CNTFR: variants seen among roughly 807,000 people sequenced by gnomAD.
CNTFR encodes ciliary neurotrophic factor receptor.
Under a neutral mutation model 40.4 loss-of-function variants are expected in CNTFR, and 12 were observed. The ratio of observed to expected loss-of-function variants is 0.30; its 90% CI spans 0.19 to 0.48. The LOEUF (loss-of-function observed/expected upper bound fraction) is 0.48, where lower values mean the gene tolerates loss of function less well. CNTFR is among the 20% of genes least tolerant of loss of function. The pLI, the probability that CNTFR is intolerant of heterozygous loss-of-function variation, is 0.99. For missense variants in CNTFR, 414 were observed against 506.8 expected (o/e 0.82, Z 1.76); for synonymous variants, 202 against 209.6 (o/e 0.96, Z 0.31).
chr9:34,551,567 TAGGAGC>T lies in CNTFR; in HGVS notation c.*498_*503del, dbSNP rs1040862064. 27 of 231,272 alleles carry T rather than the reference TAGGAGC, an allele frequency of 1.2e-4. No homozygotes were observed. Among genetic ancestry groups the T allele is most frequent in the Non-Finnish European group, 1.7e-4 (20 of 116,564 alleles). The allele number at this position is 231,272 out of a possible 1,614,324, so 14.3% of individuals were successfully genotyped here. A position where few individuals can be genotyped will look rare whatever the true frequency, so the allele number is the denominator to read the frequency against. Reference sequence around the variant, plus strand: ...TGACAGGGCATTAAATACTGTGGGATAGGAGCAGGGTCAGGGGAGGGGTATACAAAA... The same window carrying T: ...TGACAGGGCATTAAATACTGTGGGATAGGGTCAGGGGAGGGGTATACAAAA... On this transcript the variant is annotated 3_prime_UTR_variant, in exon 10 of 10. Coordinates refer to ENST00000378980, the MANE Select transcript of CNTFR (RefSeq NM_147164.3).
intron 4 of CNTFR, among the ~76,000 whole-genome samples, chr9:34,563,502 T>C (rs1256399947): frequency 6.6e-6 from 1 of 152,224 alleles, no homozygotes; most frequent in Middle Eastern, 3.2e-3. Context: ...CTGACTAACC[T>C]AACTTCCTTT....
At chr9:34,553,584 C>T (rs1346090200) in intron 7 of CNTFR, among the ~76,000 whole-genome samples, 1 of 152,220 alleles carries the variant, frequency 6.6e-6, no homozygotes, top group Non-Finnish European at 1.5e-5. Flanking sequence ...CTTAGGAAGG[C>T]CTCAGTGTGG....
At chr9:34,582,276 C>CAAAGAAAA (rs1827333671) in intron 1 of CNTFR, 1 of 126,538 alleles carries the variant, frequency 7.9e-6, no homozygotes, top group African/African-American at 3.1e-5. Context: ...AACCCTATGG[C>CAAAGAAAA]AAAAAAAAAA....
At chr9:34,555,196 G>A (rs1032303677) in intron 7 of CNTFR, among the ~76,000 whole-genome samples, 5 of 152,216 alleles carry the variant, frequency 3.3e-5, no homozygotes, top group Admixed American at 6.5e-5. Context: ...CATTAGGCGC[G>A]GGCAGCTGGC....
chr9:34,583,040 G>T (rs1827384581), intron 1 of CNTFR, among the ~76,000 whole-genome samples: 1 of 152,134 alleles, frequency 6.6e-6, no homozygotes. Flanking sequence ...AATTTCATCT[G>T]ATTAATAATA....
chr9:34,552,605 C>T lies in CNTFR; in HGVS notation c.949+69G>A, dbSNP rs754923989. ...GAGGCTGGAGGCAGCAGGGTAGAAC[C>T]AGGCCACAGGTTCTACCACAGGCCT... On this transcript the variant is annotated intron_variant, in intron 8 of 9. Transcript: ENST00000378980. This position sits in a 1 kb window ranked among gnomAD's most constrained non-coding sequence, Gnocchi z 5.1. 6.6e-6 allele frequency: 10 copies of T among 1,511,870 alleles called. No homozygotes were observed. Among genetic ancestry groups the T allele is most frequent in the East Asian group, 2.3e-5 (1 of 42,816 alleles). The allele number at this position is 1,511,870 out of a possible 1,614,324, so 93.7% of individuals were successfully genotyped here.
intron 3 of CNTFR, among the ~76,000 whole-genome samples, chr9:34,567,754 G>A (rs905503481): frequency 2.0e-5 from 3 of 152,166 alleles, no homozygotes; most frequent in African/African-American, 4.8e-5. Flanking sequence ...CACACGTGAG[G>A]AACAGTCCAC....
At position 34,551,547 on chromosome 9, in the gene CNTFR, G is replaced by C. The variant is rs1339262507; in HGVS notation, c.*524C>G. The C allele has an allele frequency of 9.3e-6, 2 of 214,092 alleles. No homozygotes were observed. The highest frequency in any genetic ancestry group is 1.9e-5 in the Non-Finnish European group (2 of 105,794). 13.3% of individuals were successfully genotyped at this position (214,092 alleles called of 1,614,324 possible). A position where few individuals can be genotyped will look rare whatever the true frequency, so the allele number is the denominator to read the frequency against. On this transcript the variant is annotated 3_prime_UTR_variant, in exon 10 of 10. Coordinates refer to ENST00000378980, the MANE Select transcript of CNTFR (RefSeq NM_147164.3). The stretch of plus-strand genomic sequence containing the variant: ...TGAGTCAGACTAGAAGGGACTGACA[G>C]GGCATTAAATACTGTGGGATAGGAG...
intron 2 of CNTFR, among the ~76,000 whole-genome samples, chr9:34,579,291 G>T (rs540518132): frequency 3.8e-4 from 58 of 152,122 alleles, no homozygotes; most frequent in African/African-American, 1.4e-3. Context: ...TCCGCCCGCC[G>T]CTCCCTCCTC....
At chr9:34,577,929 T>TGGGCGGGCTGGCGGGC (rs1827071107) in intron 2 of CNTFR, among the ~76,000 whole-genome samples, 1 of 109,520 alleles carries the variant, frequency 9.1e-6, no homozygotes, top group Non-Finnish European at 2.1e-5. Context: ...CGAGGCGGGC[T>TGGGCGGGCTGGCGGGC]GGGCGGGCTG....
intron 1 of CNTFR, among the ~76,000 whole-genome samples, chr9:34,588,678 G>A (rs1410542316): frequency 6.6e-6 from 1 of 152,144 alleles, no homozygotes. Flanking sequence ...AGTCCTGCCC[G>A]CCTGAAGCTA....
intron 2 of CNTFR, among the ~76,000 whole-genome samples, chr9:34,577,836 GAGAAA>G (rs200888251): frequency 0.14 from 21,252 of 152,042 alleles, 1,710 homozygotes; most frequent in East Asian, 0.3. Flanking sequence ...AGACAGAGAA[GAGAAA>G]AGAAGAGAGA....
intron 4 of CNTFR, among the ~76,000 whole-genome samples, chr9:34,558,990 G>A (rs550277915): frequency 1.7e-4 from 26 of 152,298 alleles, no homozygotes; most frequent in African/African-American, 6.0e-4. Context: ...GAGGACAGGC[G>A]GCTCAGGTTC....
chr9:34,578,516 C>A (rs997404520), intron 2 of CNTFR, among the ~76,000 whole-genome samples: 6 of 152,204 alleles, frequency 3.9e-5, no homozygotes, highest in Non-Finnish European at 7.4e-5. Context: ...CTGCTGGTCT[C>A]AGGGCTGACC....
At chr9:34,560,949 C>T (rs1019688922) in intron 4 of CNTFR, among the ~76,000 whole-genome samples, 18 of 152,352 alleles carry the variant, frequency 1.2e-4, no homozygotes, top group South Asian at 4.1e-4. Context: ...CTGGAGCCCC[C>T]GGCACGCATG....
chr9:34,576,281 G>GTCACAC (rs1341654112), intron 2 of CNTFR, among the ~76,000 whole-genome samples: 1 of 152,132 alleles, frequency 6.6e-6, no homozygotes, highest in African/African-American at 2.4e-5. Flanking sequence ...ACACATTACA[G>GTCACAC]TCACACTCAC....
intron 1 of CNTFR, among the ~76,000 whole-genome samples, chr9:34,586,119 C>T (rs1827533959): frequency 1.3e-5 from 2 of 152,198 alleles, no homozygotes; most frequent in African/African-American, 2.4e-5. Flanking sequence ...CAGCCCCACC[C>T]ACTGATGTTC....
intron 1 of CNTFR, among the ~76,000 whole-genome samples, chr9:34,587,006 C>T (rs1827574272): frequency 6.6e-6 from 1 of 152,110 alleles, no homozygotes. Flanking sequence ...GAATGTGAGC[C>T]CAGGATGACA....
chr9:34,590,201 T>C, upstream of CNTFR: 1 of 152,772 alleles, frequency 6.5e-6, no homozygotes, highest in South Asian at 2.1e-4. Context: ...CTCGGCCCGC[T>C]CCCCTAGGGC....
Sources: gnomAD v4.1 joint callset for allele counts (sites outside exome capture counted in the v4.1 genomes callset) on GRCh38, gnomAD v4.1.1 for gene constraint, Gnocchi (gnomAD v3.1) non-coding constraint, MANE v1.5 for transcripts, NCBI Gene and HGNC (gene_info 2026-07-23, HGNC 2026-07-21) for gene names.